Variants in CLNK observed in about 807,000 individuals in gnomAD.
CLNK encodes cytokine dependent hematopoietic cell linker, also known as cytokine-dependent hematopoietic cell linker.
Under a neutral mutation model 68.6 loss-of-function variants are expected in CLNK, and 74 were observed. The ratio of observed to expected loss-of-function variants is 1.08; its 90% CI spans 0.89 to 1.31. The LOEUF is 1.31. CLNK is among the 50% of genes most tolerant of loss of function. The pLI is 0.00. For missense variants in CLNK, 553 were observed against 515.3 expected (o/e 1.07, Z -0.71); for synonymous variants, 198 against 172.2 (o/e 1.15, Z -1.17).
intron 10 of CLNK, 121 bp downstream of exon 10, chr4:10,541,901 T>C: frequency 1.3e-6 from 1 of 743,000 alleles, no homozygotes; most frequent in South Asian, 1.7e-5. Context: ...TCCACATCCG[T>C]CTCTCACTCT....
chr4:10,511,415 T>C (rs1212480916), intron 16 of CLNK, among the ~76,000 whole-genome samples: 1 of 152,220 alleles, frequency 6.6e-6, no homozygotes, highest in Non-Finnish European at 1.5e-5. Flanking sequence ...TTCAGTGGCA[T>C]TAAGTACATT....
chr4:10,610,309 G>A (rs1218161728), intron 2 of CLNK, among the ~76,000 whole-genome samples: 1 of 149,654 alleles, frequency 6.7e-6, no homozygotes, highest in African/African-American at 2.4e-5. Flanking sequence ...CTCCCAAAGT[G>A]CTGGGATTAC....
the CLNK span, among the ~76,000 whole-genome samples, chr4:10,715,606 T>G: frequency 6.6e-6 from 1 of 152,244 alleles, no homozygotes; most frequent in Non-Finnish European, 1.5e-5. Flanking sequence ...TTCTTCTTTA[T>G]ATTTTGTTGT....
At chr4:10,725,321 G>A in the CLNK span, among the ~76,000 whole-genome samples, 18 of 152,338 alleles carry the variant, frequency 1.2e-4, no homozygotes, top group East Asian at 3.5e-3. Flanking sequence ...ATTATCATTT[G>A]TTATGTGTAC....
At chr4:10,704,178 A>T in the CLNK span, among the ~76,000 whole-genome samples, 1 of 152,142 alleles carries the variant, frequency 6.6e-6, no homozygotes, top group Non-Finnish European at 1.5e-5. Flanking sequence ...AAAAGAGAGG[A>T]GGAGAGAGAA....
intron 2 of CLNK, among the ~76,000 whole-genome samples, chr4:10,637,741 C>A (rs949086451): frequency 6.7e-6 from 1 of 149,798 alleles, no homozygotes; most frequent in Non-Finnish European, 1.5e-5. Flanking sequence ...ACTACAGGTG[C>A]CCGCCACCAG....
chr4:10,526,637 A>G (rs1157834270), intron 13 of CLNK, among the ~76,000 whole-genome samples: 1 of 152,172 alleles, frequency 6.6e-6, no homozygotes. Context: ...CTCTTGTGAC[A>G]GGGCAGGTGA....
intron 4 of CLNK, among the ~76,000 whole-genome samples, chr4:10,574,393 G>T (rs796088519): frequency 7.2e-5 from 11 of 152,258 alleles, no homozygotes; most frequent in African/African-American, 2.6e-4. Context: ...CTCCTGCTCA[G>T]TCAGTTTAGC....
the CLNK span, among the ~76,000 whole-genome samples, chr4:10,699,513 T>TATATATATATATATATATTTTA: frequency 3.2e-5 from 2 of 62,050 alleles, no homozygotes; most frequent in African/African-American, 1.6e-4. Context: ...TATATATATA[T>TATATATATATATATATATTTTA]TTTTTTTTTT....
intron 7 of CLNK, among the ~76,000 whole-genome samples, chr4:10,560,306 A>G (rs1465160898): frequency 6.6e-6 from 1 of 152,266 alleles, no homozygotes; most frequent in African/African-American, 2.4e-5. Flanking sequence ...TACATGCTCA[A>G]TAAATAGAAG....
intron 2 of CLNK, among the ~76,000 whole-genome samples, chr4:10,667,034 C>T (rs2108892742): frequency 1.3e-5 from 2 of 152,318 alleles, no homozygotes; most frequent in Middle Eastern, 3.4e-3. Flanking sequence ...GGCAGTCCTC[C>T]TCCCTGAGTC....
chr4:10,652,490 G>A (rs1017380995), intron 2 of CLNK, among the ~76,000 whole-genome samples: 1 of 151,160 alleles, frequency 6.6e-6, no homozygotes, highest in Non-Finnish European at 1.5e-5. Flanking sequence ...ATAGAAAAGT[G>A]TCAATATAAA....
In CLNK at chr4:10,508,014, TA is replaced by T. The variant is rs1275674408; in HGVS notation, c.928del (p.Tyr310ThrfsTer15). 4 of 1,611,310 alleles carry T rather than the reference TA, an allele frequency of 2.5e-6. No individual in the cohort carries two copies. The highest frequency in any genetic ancestry group is 3.4e-6 in the Non-Finnish European group (4 of 1,178,720). On this transcript the variant is annotated frameshift_variant, in exon 17 of 19. Coordinates refer to ENST00000226951, the MANE Select transcript of CLNK (RefSeq NM_052964.4). LOFTEE classifies it high-confidence loss of function. ...DRKDVQHNEW[Y>X]IGEYSRQAVE... ...TGCCTGGCGGCTGTATTCTCCAATG[TA>T]CCATTCATTGTGCTGGACATCCTGC...
intron 2 of CLNK, among the ~76,000 whole-genome samples, chr4:10,620,264 G>T (rs1053231772): frequency 6.6e-6 from 1 of 152,110 alleles, no homozygotes; most frequent in African/African-American, 2.4e-5. Context: ...AACTAACTTC[G>T]TTCCCGAGAT....
At chr4:10,723,807 C>A in the CLNK span, among the ~76,000 whole-genome samples, 1 of 149,902 alleles carries the variant, frequency 6.7e-6, no homozygotes, top group East Asian at 2.0e-4. Context: ...TGTGTCTCTT[C>A]CAGTTAGATC....
chr4:10,604,448 A>G (rs2108849530), intron 2 of CLNK, among the ~76,000 whole-genome samples: 1 of 152,300 alleles, frequency 6.6e-6, no homozygotes, highest in East Asian at 1.9e-4. Context: ...GGAGATTTTT[A>G]GCACTCTCCT....
At chr4:10,610,635 T>C (rs1721978072) in intron 2 of CLNK, among the ~76,000 whole-genome samples, 1 of 152,150 alleles carries the variant, frequency 6.6e-6, no homozygotes, top group African/African-American at 2.4e-5. Context: ...ACCATCAATG[T>C]ATGTAATGAG....
At chr4:10,622,085 T>C (rs987044110) in intron 2 of CLNK, among the ~76,000 whole-genome samples, 2 of 152,210 alleles carry the variant, frequency 1.3e-5, no homozygotes, top group Non-Finnish European at 2.9e-5. Flanking sequence ...AGTTTTTGTT[T>C]GGAAATTTGA....
intron 11 of CLNK, among the ~76,000 whole-genome samples, chr4:10,535,969 T>TA (rs1718746522): frequency 6.6e-6 from 1 of 152,218 alleles, no homozygotes; most frequent in Non-Finnish European, 1.5e-5. Context: ...GGTTTTGAGT[T>TA]GTCAATGAAT....
Sources: allele counts gnomAD v4.1 joint callset (sites outside exome capture counted in the v4.1 genomes callset), GRCh38; gene constraint gnomAD v4.1.1; transcripts MANE v1.5; gene names NCBI Gene and HGNC (gene_info 2026-07-23, HGNC 2026-07-21).